Variants in SLC12A7 observed in about 807,000 individuals in gnomAD.
The protein encoded by SLC12A7 is solute carrier family 12 member 7, also known as K-Cl cotransporter 4.
In SLC12A7, 100 loss-of-function variants were observed where a neutral mutation model predicts 120.6. The ratio of observed to expected loss-of-function variants is 0.83; its 90% CI spans 0.71 to 0.98. The LOEUF (loss-of-function observed/expected upper bound fraction) is 0.98, where lower values mean the gene tolerates loss of function less well. Ranked by LOEUF, SLC12A7 falls within the 50% of genes least tolerant of loss-of-function variation. SLC12A7 has a pLI of 0.00. For synonymous variants in SLC12A7, 760 were observed against 678.0 expected, an observed-to-expected ratio of 1.12 and a Z score of -1.88; for missense variants, 1,373 against 1,548.1, an observed-to-expected ratio of 0.89 and a Z score of 1.90.
chr5:1,128,611 C>T, the SLC12A7 span, among the ~76,000 whole-genome samples: 1 of 152,242 alleles, frequency 6.6e-6, no homozygotes, highest in African/African-American at 2.4e-5. Context: ...ACAACAGGCT[C>T]AGCAGGTGCG....
intron 1 of SLC12A7, among the ~76,000 whole-genome samples, chr5:1,103,317 C>T (rs987197886): frequency 1.3e-5 from 2 of 152,150 alleles, no homozygotes; most frequent in Non-Finnish European, 2.9e-5. Context: ...ACCAGGAGAG[C>T]GCCGGGAGAT....
intron 9 of SLC12A7, among the ~76,000 whole-genome samples, chr5:1,081,021 CAGAG>C (rs1204887395): frequency 2.8e-5 from 4 of 140,946 alleles, no homozygotes; most frequent in Admixed American, 7.0e-5. Context: ...GACAGACAGA[CAGAG>C]AGAGAGAGAG....
chr5:1,084,828 G>A (rs556693647), intron 7 of SLC12A7, among the ~76,000 whole-genome samples: 186 of 152,226 alleles, frequency 1.2e-3, no homozygotes, highest in Non-Finnish European at 1.4e-3. Flanking sequence ...CCTCCCAGCT[G>A]CTCCTCCAAA....
intron 23 of SLC12A7, among the ~76,000 whole-genome samples, chr5:1,052,915 C>G (rs1367923220): frequency 6.6e-6 from 1 of 152,250 alleles, no homozygotes; most frequent in Non-Finnish European, 1.5e-5. Context: ...CGGAGTTCTC[C>G]TTCCAAAGCA....
chr5:1,058,752 T>A (rs1352022111), intron 21 of SLC12A7, among the ~76,000 whole-genome samples: 1 of 152,184 alleles, frequency 6.6e-6, no homozygotes, highest in Non-Finnish European at 1.5e-5. Context: ...CAGCCTAAAT[T>A]TCCCATGGCC....
rs1739910290 is a variant in SLC12A7 at position 1,086,842 on chromosome 5, G to T, written c.675+61C>A. 5 of 1,591,418 alleles carry T rather than the reference G, an allele frequency of 3.1e-6. No homozygotes were observed. In the Admixed American group the frequency reaches 6.8e-5, roughly 22 times the overall value. ...GTGTGCCACAGAGTGGGTCAGGCAGGGCCCCTTGGCATCCTGCCACAGACT... is the reference window on the plus strand; with the variant it reads ...GTGTGCCACAGAGTGGGTCAGGCAGTGCCCCTTGGCATCCTGCCACAGACT... On this transcript the variant is annotated intron_variant, in intron 6 of 23. Transcript: ENST00000264930.
At chr5:1,065,579 G>A (rs1649408387) in intron 17 of SLC12A7, 101 bp from the exon 18 acceptor site, 19 of 915,762 alleles carry the variant, frequency 2.1e-5, no homozygotes, top group Non-Finnish European at 2.9e-5. Context: ...CCTCCCCTGT[G>A]GACCCAGCAG....
rs148842383 is a variant in SLC12A7, at chr5:1,081,247, C to G, written c.1297+330G>C. On this transcript the variant is annotated intron_variant, in intron 9 of 23. Coordinates refer to ENST00000264930, the MANE Select transcript of SLC12A7 (RefSeq NM_006598.3). ...TTTGGGAGGCTGAGGATGGCTTGAG[C>G]TCAGGAGTTTGAGACCAGCCTGAGC... 9.4e-3 allele frequency among the ~76,000 whole-genome samples: 1,429 copies of G among 152,122 alleles called. 27 individuals are homozygous for G. Among genetic ancestry groups the G allele is most frequent in the African/African-American group, 0.033 (1,374 of 41,416 alleles).
At position 1,083,766 on chromosome 5, in the gene SLC12A7, C is replaced by G. The variant is rs746991958; in HGVS notation, c.1108G>C (p.Ala370Pro). 4 of 1,612,628 alleles carry G rather than the reference C, an allele frequency of 2.5e-6. No individual in the cohort carries two copies. Among genetic ancestry groups the G allele is most frequent in the Non-Finnish European group, 2.5e-6 (3 of 1,179,890 alleles). ...TCACCCAGGAAGACACCACTGGCCG[C>G]GCCCGGGATGCCCTGGATTTCGGTG... ...NVTEIQGIPG[A>P]ASGVFLENLW... is the part of the protein sequence containing the mutation. Residue 370 changes from alanine to proline, a missense_variant, in exon 8 of 24, where the codon GCG becomes CCG. Transcript: ENST00000264930.
At chr5:1,142,021 C>T in the SLC12A7 span, among the ~76,000 whole-genome samples, 83 of 152,222 alleles carry the variant, frequency 5.5e-4, 1 homozygote, top group South Asian at 2.5e-3. Context: ...CAGGACTTCC[C>T]GGGGCTTCCT....
Position 1,082,977 on chromosome 5 carries a change from C to T in SLC12A7, c.1129+768G>A, listed in dbSNP as rs186604024. ...GTTCTGGAAAGCCTGGGCTTCCTCT[C>T]TAGGGTTCTGGAAAGTCCGGGCTTC... On this transcript the variant is annotated intron_variant, in intron 8 of 23. Coordinates refer to ENST00000264930, the MANE Select transcript of SLC12A7 (RefSeq NM_006598.3). Among the ~76,000 whole-genome samples the T allele has an allele frequency of 9.8e-3, 911 of 93,242 alleles. 12 individuals carry two copies. The highest frequency in any genetic ancestry group is 0.026 in the African/African-American group (867 of 32,824). The allele number at this position is 93,242 out of a possible 152,430, so 61.2% of individuals were successfully genotyped here. A position where few individuals can be genotyped will look rare whatever the true frequency, so the allele number is the denominator to read the frequency against.
At chr5:1,126,873 G>C in the SLC12A7 span, among the ~76,000 whole-genome samples, 1 of 152,220 alleles carries the variant, frequency 6.6e-6, no homozygotes, top group African/African-American at 2.4e-5. Flanking sequence ...AGTGGGTTGA[G>C]CTGGGCTTCC....
At chr5:1,116,613 C>T (rs1160312775), upstream of SLC12A7, among the ~76,000 whole-genome samples, 4 of 152,090 alleles carry the variant, frequency 2.6e-5, no homozygotes, top group East Asian at 1.9e-4. Flanking sequence ...TGGATGAGTC[C>T]GACACACTCT....
At chr5:1,081,766 A>G in intron 8 of SLC12A7, 22 bp from the exon 9 acceptor site, 8 of 1,603,270 alleles carry the variant, frequency 5.0e-6, no homozygotes, top group Non-Finnish European at 6.8e-6. Context: ...GGAAGATCCC[A>G]TGGGTTTCTG....
At chr5:1,084,062 C>T in intron 7 of SLC12A7, 106 bp from the exon 8 acceptor site, 1 of 883,748 alleles carries the variant, frequency 1.1e-6, no homozygotes, top group Non-Finnish European at 1.8e-6. Flanking sequence ...GCGAGTGGCT[C>T]CTGGCACCCT....
intron 17 of SLC12A7, among the ~76,000 whole-genome samples, chr5:1,066,828 G>A (rs929950539): frequency 2.0e-5 from 3 of 152,156 alleles, no homozygotes; most frequent in African/African-American, 7.2e-5. Flanking sequence ...TGGAGGCAGC[G>A]TGGCCTGCGG....
intron 1 of SLC12A7, among the ~76,000 whole-genome samples, chr5:1,107,365 C>CCAT (rs1554023993): frequency 2.6e-5 from 4 of 152,204 alleles, no homozygotes; most frequent in Non-Finnish European, 5.9e-5. Flanking sequence ...TCTGGGAATC[C>CCAT]CTGGGTCAGG....
At chr5:1,151,070 G>C in the SLC12A7 span, among the ~76,000 whole-genome samples, 1 of 152,248 alleles carries the variant, frequency 6.6e-6, no homozygotes, top group Non-Finnish European at 1.5e-5. This position sits in a 1 kb window ranked among gnomAD's most constrained non-coding sequence, Gnocchi z 6.2. Flanking sequence ...GGCGGGGCCA[G>C]AGCCTCACTG....
chr5:1,138,392 T>C, the SLC12A7 span, among the ~76,000 whole-genome samples: 10 of 152,226 alleles, frequency 6.6e-5, no homozygotes, highest in Admixed American at 5.2e-4. Context: ...AGAGTGCTGA[T>C]TGGTGCATTT....
Sources: gnomAD v4.1 joint callset for allele counts (sites outside exome capture counted in the v4.1 genomes callset) on GRCh38, gnomAD v4.1.1 for gene constraint, Gnocchi (gnomAD v3.1) non-coding constraint, MANE v1.5 for transcripts, NCBI Gene and HGNC (gene_info 2026-07-23, HGNC 2026-07-21) for gene names.